ERC2: variants seen among roughly 807,000 people sequenced by gnomAD.
ERC2 encodes the protein ERC protein 2.
A neutral mutation model predicts 114.8 loss-of-function variants in ERC2; 42 were observed. The ratio of observed to expected loss-of-function variants is 0.37; its 90% CI spans 0.29 to 0.47. The LOEUF is 0.47. Among genes scored for constraint, ERC2 ranks in the 20% least tolerant of loss-of-function variants. The probability of loss-of-function intolerance (pLI) is 0.99; values close to 1 mark genes in which losing one functional copy is unlikely to be tolerated. For missense variants in ERC2, 939 were observed against 1,150.7 expected, an observed-to-expected ratio of 0.82 and a Z score of 2.66; for synonymous variants, 454 against 425.5, an observed-to-expected ratio of 1.07 and a Z score of -0.82.
chr3:56,243,989 G>A (rs535890048), intron 3 of ERC2, among the ~76,000 whole-genome samples: 4 of 152,260 alleles, frequency 2.6e-5, no homozygotes, highest in East Asian at 1.9e-4. Flanking sequence ...ACTGTGAAAC[G>A]CCTGGGATGC....
chr3:55,570,227 C>T (rs2056627894), intron 17 of ERC2, among the ~76,000 whole-genome samples: 1 of 152,052 alleles, frequency 6.6e-6, no homozygotes, highest in Non-Finnish European at 1.5e-5. Flanking sequence ...AAATCTCCCA[C>T]CCGTCTCAAT....
intron 1 of ERC2, among the ~76,000 whole-genome samples, chr3:56,465,147 C>T (rs955015620): frequency 1.3e-5 from 2 of 152,202 alleles, no homozygotes; most frequent in African/African-American, 4.8e-5. Context: ...ACCTGTAATG[C>T]CAGCACTTTG....
Position 56,359,282 on chromosome 3 carries a change from C to T in ERC2, c.658-62847G>A, listed in dbSNP as rs746455084. Among the ~76,000 whole-genome samples, 29 of 152,088 alleles carry T rather than the reference C, an allele frequency of 1.9e-4. 1 individual carries two copies. The highest frequency in any genetic ancestry group is 3.8e-4 in the Non-Finnish European group (26 of 68,026). On this transcript the variant is annotated intron_variant, in intron 2 of 17. Transcript: ENST00000288221. Reference sequence around the variant, plus strand: ...TTCTCTACTTCTTGTCACCCTCCCACAAATGAATATGATTACCCATGCCAA... The same window carrying T: ...TTCTCTACTTCTTGTCACCCTCCCATAAATGAATATGATTACCCATGCCAA...
intron 14 of ERC2, among the ~76,000 whole-genome samples, chr3:55,758,330 C>G (rs2067191692): frequency 6.6e-6 from 1 of 152,188 alleles, no homozygotes; most frequent in Non-Finnish European, 1.5e-5. Flanking sequence ...GACTTGGGTT[C>G]CCCAACTCCA....
chr3:56,328,902 AG>A (rs2150447669), intron 2 of ERC2, among the ~76,000 whole-genome samples: 1 of 152,350 alleles, frequency 6.6e-6, no homozygotes, highest in African/African-American at 2.4e-5. Context: ...TGTTTGGAAA[AG>A]TACAGGAGCA....
At chr3:56,102,175 G>A (rs973104831) in intron 6 of ERC2, among the ~76,000 whole-genome samples, 1 of 152,120 alleles carries the variant, frequency 6.6e-6, no homozygotes, top group South Asian at 2.1e-4. Context: ...GAGGTCAGGC[G>A]AGTGACACAA....
chr3:56,409,118 C>T lies in ERC2; in HGVS notation c.657+25233G>A, dbSNP rs116615627. On this transcript the variant is annotated intron_variant, in intron 2 of 17. Coordinates refer to ENST00000288221, the MANE Select transcript of ERC2 (RefSeq NM_015576.3). ...GCACCATGCCTGCTCGCTCACTGGG[C>T]CAGAGGCGGCACGTGACCTCAAAGT... 7.2e-3 allele frequency among the ~76,000 whole-genome samples: 1,100 copies of T among 152,312 alleles called. 23 individuals carry two copies. The highest frequency in any genetic ancestry group is 0.025 in the African/African-American group (1,052 of 41,570).
At chr3:55,866,133 T>C (rs2062302344) in intron 14 of ERC2, among the ~76,000 whole-genome samples, 1 of 152,166 alleles carries the variant, frequency 6.6e-6, no homozygotes, top group Non-Finnish European at 1.5e-5. Context: ...GCCTGTCTTT[T>C]TTCTGATAAC....
At chr3:55,977,511 C>T (rs972486559) in intron 12 of ERC2, among the ~76,000 whole-genome samples, 7 of 152,064 alleles carry the variant, frequency 4.6e-5, no homozygotes, top group African/African-American at 1.7e-4. Flanking sequence ...AAAATAAAAG[C>T]AAATCAAAAC....
chr3:55,534,519 G>A (rs1013603602), intron 17 of ERC2, among the ~76,000 whole-genome samples: 2 of 151,716 alleles, frequency 1.3e-5, no homozygotes, highest in African/African-American at 4.8e-5. Context: ...CATGACGAAA[G>A]CCTGCCTCTA....
intron 2 of ERC2, among the ~76,000 whole-genome samples, chr3:56,385,667 C>T: frequency 6.6e-6 from 1 of 152,168 alleles, no homozygotes; most frequent in African/African-American, 2.4e-5. Flanking sequence ...GCACCTCCTC[C>T]ACTAATGGGG....
intron 7 of ERC2, among the ~76,000 whole-genome samples, chr3:56,052,336 G>C (rs1250596192): frequency 6.6e-6 from 1 of 152,220 alleles, no homozygotes; most frequent in East Asian, 1.9e-4. Flanking sequence ...ACATTAAATA[G>C]AGAGCCAGTA....
chr3:55,930,074 AC>A (rs1455948357), intron 13 of ERC2, among the ~76,000 whole-genome samples: 2 of 152,086 alleles, frequency 1.3e-5, no homozygotes, highest in Admixed American at 1.3e-4. Context: ...CCCAATCTCA[AC>A]AAAAAATATA....
chr3:56,071,118 TTCTTCA>T (rs1220310292), intron 7 of ERC2, among the ~76,000 whole-genome samples: 1 of 152,188 alleles, frequency 6.6e-6, no homozygotes, highest in East Asian at 1.9e-4. Flanking sequence ...AAATTACAAC[TTCTTCA>T]ATAATATATG....
At chr3:56,263,177 T>G in intron 3 of ERC2, among the ~76,000 whole-genome samples, 1 of 152,204 alleles carries the variant, frequency 6.6e-6, no homozygotes. Context: ...ACTTTTGATT[T>G]TCTCACTGAT....
Position 56,460,305 on chromosome 3 carries a change from ATT to A in ERC2, c.-141+7941_-141+7942del, listed in dbSNP as rs147700119. Among the ~76,000 whole-genome samples, 1,064 of 152,312 alleles carry A rather than the reference ATT, an allele frequency of 7.0e-3. 21 individuals carry two copies. The highest frequency in any genetic ancestry group is 0.024 in the African/African-American group (1,015 of 41,552). On this transcript the variant is annotated intron_variant, in intron 1 of 17. Transcript: ENST00000288221. ...ATTGTTTCTACTTTCTCTAGTGATAATTTAGCAGCCTTGAGAGTAAGGCAGAG... is the reference window on the plus strand; with the variant it reads ...ATTGTTTCTACTTTCTCTAGTGATAATAGCAGCCTTGAGAGTAAGGCAGAG...
rs926443712 is a variant in ERC2, at chr3:55,510,841, T to C, written c.*475A>G. 2 of 152,138 alleles carry C rather than the reference T, an allele frequency of 1.3e-5. No individual in the cohort carries two copies. Among genetic ancestry groups the C allele is most frequent in the African/African-American group, 4.8e-5 (2 of 41,424 alleles). The allele number at this position is 152,138 out of a possible 1,614,324, so 9.4% of individuals were successfully genotyped here. A position where few individuals can be genotyped will look rare whatever the true frequency, so the allele number is the denominator to read the frequency against. The stretch of plus-strand genomic sequence containing the variant: ...ATCTAATGCATTAGGAATGACCAAT[T>C]AGAGTGAACCAGCAGGATACTGGAG... On this transcript the variant is annotated 3_prime_UTR_variant, in exon 18 of 18. Transcript: ENST00000288221.
chr3:56,426,694 G>T (rs572023249), intron 2 of ERC2, among the ~76,000 whole-genome samples: 1 of 152,180 alleles, frequency 6.6e-6, no homozygotes, highest in Non-Finnish European at 1.5e-5. Context: ...TGAGGAGAAG[G>T]TGGAGACATG....
At chr3:55,561,788 G>C (rs1374025659) in intron 17 of ERC2, among the ~76,000 whole-genome samples, 2 of 152,122 alleles carry the variant, frequency 1.3e-5, no homozygotes, top group African/African-American at 4.8e-5. Context: ...GGGAGCATGT[G>C]AGCAGACCTG....
Sources: gnomAD v4.1 joint callset for allele counts (sites outside exome capture counted in the v4.1 genomes callset) on GRCh38, gnomAD v4.1.1 for gene constraint, MANE v1.5 for transcripts, NCBI Gene and HGNC (gene_info 2026-07-23, HGNC 2026-07-21) for gene names.